The following ESR1 variants were observed in gnomAD, a reference collection of about 807,000 sequenced individuals.
The protein encoded by ESR1 is estrogen receptor 1.
In ESR1, 12 loss-of-function variants were observed where a neutral mutation model predicts 52.7. The observed-to-expected ratio is 0.23, with a 90% CI of 0.15 to 0.37. The LOEUF (loss-of-function observed/expected upper bound fraction) is 0.37. Among genes scored for constraint, ESR1 ranks in the 10% least tolerant of loss-of-function variants. ESR1 has a pLI of 1.00. For synonymous variants in ESR1, 305 were observed against 316.8 expected (o/e 0.96, Z 0.39); for missense variants, 584 against 779.7 (o/e 0.75, Z 2.99).
chr6:151,974,802 T>G (rs1750116606), intron 4 of ESR1, among the ~76,000 whole-genome samples: 1 of 152,212 alleles, frequency 6.6e-6, no homozygotes, highest in African/African-American at 2.4e-5. Context: ...AACAGGTTTT[T>G]AAGGGTGTTG....
chr6:151,970,053 G>A (rs981269867), intron 4 of ESR1, among the ~76,000 whole-genome samples: 6 of 151,760 alleles, frequency 4.0e-5, no homozygotes, highest in African/African-American at 9.7e-5. Flanking sequence ...CCTTCTAGAC[G>A]CTTCACCTTC....
At chr6:151,678,371 G>A (rs1778327531) in intron 1 of ESR1, among the ~76,000 whole-genome samples, 1 of 151,964 alleles carries the variant, frequency 6.6e-6, no homozygotes, top group African/African-American at 2.4e-5. Flanking sequence ...TACTTGGGAG[G>A]CTGAGGCAGG....
At chr6:151,740,267 C>T (rs1782983595) in intron 2 of ESR1, among the ~76,000 whole-genome samples, 1 of 150,736 alleles carries the variant, frequency 6.6e-6, no homozygotes, top group Non-Finnish European at 1.5e-5. Context: ...TACAGGAGCG[C>T]ACCACCATGC....
At chr6:152,064,138 C>T (rs114829330) in intron 6 of ESR1, among the ~76,000 whole-genome samples, 2,843 of 152,332 alleles carry the variant, frequency 0.019, 86 homozygotes, top group African/African-American at 0.065. Flanking sequence ...TTTTCCACTC[C>T]ACACCAAAGG....
At chr6:152,125,643 G>A (rs949891688) in exon 7 of ESR1, 3 of 282,870 alleles carry the variant, frequency 1.1e-5, no homozygotes, top group Non-Finnish European at 2.0e-5. Flanking sequence ...TTATAACAGA[G>A]TGACTGAAGA....
rs529049382 is a variant in ESR1 at position 151,808,942 on chromosome 6, C to T, written c.452+578C>T. ...GTCACCCGCTTTCCCCTCCTCCCCA[C>T]CCCACGTCCTGGGGCTTTAGAGAGC... On this transcript the variant is annotated intron_variant, in intron 1 of 7. Coordinates refer to ENST00000206249, the MANE Select transcript of ESR1 (RefSeq NM_000125.4). Among the ~76,000 whole-genome samples, 8 of 152,312 alleles carry T rather than the reference C, an allele frequency of 5.3e-5. No individual in the cohort carries two copies. In the East Asian group the frequency reaches 1.5e-3, roughly 29 times the overall value.
chr6:151,866,288 T>G (rs1157375707), intron 2 of ESR1, among the ~76,000 whole-genome samples: 1 of 152,178 alleles, frequency 6.6e-6, no homozygotes, highest in Non-Finnish European at 1.5e-5. Flanking sequence ...TTTTTATTTG[T>G]TAGGAGAAAT....
chr6:152,027,644 G>A (rs1028440585), intron 5 of ESR1, among the ~76,000 whole-genome samples: 1 of 152,176 alleles, frequency 6.6e-6, no homozygotes, highest in Non-Finnish European at 1.5e-5. Flanking sequence ...GAAGCTGGAT[G>A]CCAGTCTGAT....
At chr6:151,915,499 T>C (rs1214338938) in intron 3 of ESR1, among the ~76,000 whole-genome samples, 4 of 152,210 alleles carry the variant, frequency 2.6e-5, no homozygotes. Flanking sequence ...TTCTGATTTC[T>C]ACTAAACATG....
rs571627160 is a variant in ESR1 at position 151,676,579 on chromosome 6, T to C, written n.73+19816T>C. On this transcript the variant is annotated intron_variant and non_coding_transcript_variant, in intron 1 of 2. Transcript: ENST00000473497. Reference sequence around the variant, plus strand: ...CGGCTACGCTTGAAATATCATGCTCTCCCTGTGTGGTCTTGTCATAATTAT... The same window carrying C: ...CGGCTACGCTTGAAATATCATGCTCCCCCTGTGTGGTCTTGTCATAATTAT... 5.9e-5 allele frequency among the ~76,000 whole-genome samples: 9 copies of C among 152,308 alleles called. 1 individual carries two copies. The highest frequency in any genetic ancestry group is 2.2e-4 in the African/African-American group (9 of 41,560).
intron 3 of ESR1, among the ~76,000 whole-genome samples, chr6:151,925,476 G>A (rs913310632): frequency 1.1e-4 from 17 of 152,086 alleles, no homozygotes; most frequent in South Asian, 8.3e-4. Flanking sequence ...ACATGGTGTC[G>A]GGCACTTGTA....
intron 3 of ESR1, among the ~76,000 whole-genome samples, chr6:151,912,746 A>C (rs1036424238): frequency 6.6e-6 from 1 of 152,212 alleles, no homozygotes; most frequent in Non-Finnish European, 1.5e-5. Flanking sequence ...GCCATAAAGC[A>C]GAATGAGTTC....
chr6:152,023,515 A>G (rs2043862616), intron 5 of ESR1, among the ~76,000 whole-genome samples: 1 of 152,194 alleles, frequency 6.6e-6, no homozygotes, highest in Non-Finnish European at 1.5e-5. Flanking sequence ...TTTACAAAAA[A>G]ATTTCTTGAT....
At chr6:152,091,390 G>A (rs764084688) in intron 6 of ESR1, among the ~76,000 whole-genome samples, 1 of 152,206 alleles carries the variant, frequency 6.6e-6, no homozygotes, top group Non-Finnish European at 1.5e-5. Context: ...AAGCTGTATT[G>A]ATGCCAAAAC....
chr6:151,829,706 C>T (rs1782076585), intron 1 of ESR1, among the ~76,000 whole-genome samples: 1 of 152,188 alleles, frequency 6.6e-6, no homozygotes, highest in Admixed American at 6.5e-5. Flanking sequence ...ATCATGGTCA[C>T]ACCATTGTAG....
At chr6:151,721,270 G>T (rs1343156389) in intron 2 of ESR1, among the ~76,000 whole-genome samples, 1 of 152,196 alleles carries the variant, frequency 6.6e-6, no homozygotes, top group Non-Finnish European at 1.5e-5. Flanking sequence ...GATAGGACTT[G>T]GCAAGTTAGG....
rs1206566777 is a variant in ESR1, at chr6:152,101,407, G to A, written c.*2441G>A. 4.3e-6 allele frequency: 1 copy of A among 232,844 alleles called. No individual in the cohort carries two copies. Among genetic ancestry groups the A allele is most frequent in the East Asian group, 6.1e-5 (1 of 16,412 alleles). 14.4% of individuals were successfully genotyped at this position (232,844 alleles called of 1,614,324 possible). A position where few individuals can be genotyped will look rare whatever the true frequency, so the allele number is the denominator to read the frequency against. On this transcript the variant is annotated 3_prime_UTR_variant, in exon 8 of 8. Coordinates refer to ENST00000206249, the MANE Select transcript of ESR1 (RefSeq NM_000125.4). The stretch of plus-strand genomic sequence containing the variant: ...AAAAAAATTTCTAGGACTAGACGAT[G>A]TAATACCAGCTAAAGCCAAACAATT...
chr6:151,810,702 A>G (rs1778680305), intron 1 of ESR1, among the ~76,000 whole-genome samples: 1 of 152,186 alleles, frequency 6.6e-6, no homozygotes, highest in Admixed American at 6.5e-5. Flanking sequence ...AGTGCATGGT[A>G]TTTCGTAAGG....
intron 2 of ESR1, among the ~76,000 whole-genome samples, chr6:151,782,036 G>A (rs1375341089): frequency 6.6e-6 from 1 of 152,206 alleles, no homozygotes; most frequent in East Asian, 1.9e-4. Context: ...GTGGAGAAAT[G>A]TATGTTCTAG....
Sources: allele counts gnomAD v4.1 joint callset (sites outside exome capture counted in the v4.1 genomes callset), GRCh38; gene constraint gnomAD v4.1.1; transcripts MANE v1.5; gene names NCBI Gene and HGNC (gene_info 2026-07-23, HGNC 2026-07-21).